QTMAN: variants seen among roughly 807,000 people sequenced by gnomAD.
QTMAN encodes tRNA-queuosine alpha-mannosyltransferase.
the QTMAN span, among the ~76,000 whole-genome samples, chr2:144,102,230 C>T: frequency 3.3e-5 from 5 of 152,022 alleles, no homozygotes; most frequent in Non-Finnish European, 5.9e-5. Context: ...CCTATCAGTC[C>T]GGGAAAGATG....
chr2:143,945,231 A>G, the QTMAN span: 5 of 152,154 alleles, frequency 3.3e-5, 1 homozygote, highest in South Asian at 1.0e-3. Context: ...AAAGGAACAC[A>G]CCTGCTAGAT....
the QTMAN span, among the ~76,000 whole-genome samples, chr2:143,970,445 G>C: frequency 3.9e-5 from 6 of 152,164 alleles, no homozygotes; most frequent in African/African-American, 1.4e-4. Context: ...TTTGATCAAA[G>C]AGATGACTTC....
chr2:143,965,508 T>C, the QTMAN span, among the ~76,000 whole-genome samples: 1 of 152,202 alleles, frequency 6.6e-6, no homozygotes, highest in Non-Finnish European at 1.5e-5. Context: ...TGAATTAACT[T>C]AGAAAGCTTC....
the QTMAN span, among the ~76,000 whole-genome samples, chr2:144,268,426 C>A: frequency 1.3e-5 from 2 of 152,140 alleles, no homozygotes; most frequent in Admixed American, 6.5e-5. Flanking sequence ...AGGGAGGAGC[C>A]CTCATGAATG....
At chr2:143,995,138 A>T in the QTMAN span, among the ~76,000 whole-genome samples, 1 of 152,178 alleles carries the variant, frequency 6.6e-6, no homozygotes, top group Non-Finnish European at 1.5e-5. Context: ...TCTAACTAAC[A>T]ATCATAAAAA....
the QTMAN span, among the ~76,000 whole-genome samples, chr2:144,188,628 A>T: frequency 6.6e-6 from 1 of 152,280 alleles, no homozygotes; most frequent in East Asian, 1.9e-4. Context: ...ATTGAGAATT[A>T]TAAAACTTTC....
chr2:144,120,625 T>G, the QTMAN span, among the ~76,000 whole-genome samples: 5 of 152,278 alleles, frequency 3.3e-5, no homozygotes, highest in East Asian at 9.6e-4. Context: ...CCCACGAAAT[T>G]TTATATATAA....
the QTMAN span, among the ~76,000 whole-genome samples, chr2:144,180,126 A>C: frequency 6.6e-6 from 1 of 152,212 alleles, no homozygotes; most frequent in Non-Finnish European, 1.5e-5. Flanking sequence ...AAAAACAGGT[A>C]ATCTTAAGGC....
the QTMAN span, among the ~76,000 whole-genome samples, chr2:143,991,622 G>A: frequency 5.9e-3 from 827 of 140,222 alleles, 9 homozygotes; most frequent in African/African-American, 0.021. Context: ...GCCTCTGCCC[G>A]GCCGCCCCTA....
At chr2:143,978,638 T>C in the QTMAN span, among the ~76,000 whole-genome samples, 1 of 152,202 alleles carries the variant, frequency 6.6e-6, no homozygotes, top group African/African-American at 2.4e-5. Context: ...TCCCTACTCC[T>C]GGGATGTTAC....
the QTMAN span, among the ~76,000 whole-genome samples, chr2:144,120,142 C>T: frequency 2.0e-5 from 3 of 152,126 alleles, no homozygotes; most frequent in African/African-American, 7.2e-5. Context: ...GAATGCAATT[C>T]CAATTTCCCC....
At chr2:144,306,887 C>T in the QTMAN span, among the ~76,000 whole-genome samples, 19 of 152,020 alleles carry the variant, frequency 1.2e-4, no homozygotes, top group South Asian at 2.1e-4. Flanking sequence ...AATGGCTGGG[C>T]GCGGTGGCTC....
chr2:144,238,107 C>T, the QTMAN span, among the ~76,000 whole-genome samples: 9 of 152,344 alleles, frequency 5.9e-5, no homozygotes, highest in African/African-American at 2.2e-4. Context: ...CTAGCATGCA[C>T]TCTAACTTCC....
the QTMAN span, among the ~76,000 whole-genome samples, chr2:144,101,055 A>G: frequency 1.3e-5 from 2 of 151,924 alleles, no homozygotes; most frequent in African/African-American, 4.8e-5. Flanking sequence ...TTTTTAGTAC[A>G]GATGGGGTTT....
At chr2:144,068,658 T>C in the QTMAN span, among the ~76,000 whole-genome samples, 1 of 152,200 alleles carries the variant, frequency 6.6e-6, no homozygotes, top group Admixed American at 6.5e-5. Context: ...TTTGTAATTG[T>C]ACTGATGGAT....
chr2:144,285,711 A>T, the QTMAN span, among the ~76,000 whole-genome samples: 1 of 152,240 alleles, frequency 6.6e-6, no homozygotes, highest in Non-Finnish European at 1.5e-5. Context: ...TACATTAATC[A>T]TAGGAAAATA....
the QTMAN span, among the ~76,000 whole-genome samples, chr2:144,182,819 T>A: frequency 3.3e-3 from 62 of 18,784 alleles, no homozygotes; most frequent in Middle Eastern, 0.025. Context: ...ATATATATAT[T>A]ATATATATAA....
chr2:144,314,163 TGAA>T, the QTMAN span, among the ~76,000 whole-genome samples: 1 of 152,114 alleles, frequency 6.6e-6, no homozygotes, highest in African/African-American at 2.4e-5. Flanking sequence ...GCTCATTAAC[TGAA>T]GAATGGTAAA....
chr2:144,182,861 A>AT, the QTMAN span, among the ~76,000 whole-genome samples: 1 of 66,754 alleles, frequency 1.5e-5, no homozygotes, highest in African/African-American at 8.6e-5. Context: ...TTTTATATAT[A>AT]ATATATATAT....
Sources: allele counts gnomAD v4.1 joint callset (sites outside exome capture counted in the v4.1 genomes callset), GRCh38; gene constraint gnomAD v4.1.1; transcripts MANE v1.5; gene names NCBI Gene and HGNC (gene_info 2026-07-23, HGNC 2026-07-21).